KCNG2: variants seen among roughly 807,000 people sequenced by gnomAD.
KCNG2 encodes the protein potassium voltage-gated channel modifier subfamily G member 2, also known as voltage-gated potassium channel regulatory subunit KCNG2.
Under a neutral mutation model 12.3 loss-of-function variants are expected in KCNG2, and 7 were observed. That is an observed-to-expected ratio of 0.57 (90% confidence interval 0.32 to 1.07). The LOEUF (loss-of-function observed/expected upper bound fraction) is 1.07. KCNG2 is among the 50% of genes least tolerant of loss of function. The pLI is 0.04. For missense variants in KCNG2, 703 were observed against 726.0 expected, an observed-to-expected ratio of 0.97 and a Z score of 0.36; for synonymous variants, 414 against 351.4, an observed-to-expected ratio of 1.18 and a Z score of -1.99.
intron 3 of KCNG2, among the ~76,000 whole-genome samples, chr18:79,865,503 G>A (rs1446429344): frequency 1.7e-4 from 14 of 80,386 alleles, no homozygotes; most frequent in African/African-American, 4.7e-4. Flanking sequence ...AGGTCTGAGT[G>A]CTGAGAGGTC....
intron 1 of KCNG2, among the ~76,000 whole-genome samples, chr18:79,835,952 A>G (rs1453782128): frequency 6.6e-6 from 1 of 152,254 alleles, no homozygotes; most frequent in Non-Finnish European, 1.5e-5. Context: ...GGGAAACATG[A>G]AGAAGAAAAC....
chr18:79,882,619 G>T (rs1302410375), intron 3 of KCNG2, among the ~76,000 whole-genome samples: 2 of 152,250 alleles, frequency 1.3e-5, no homozygotes, highest in Non-Finnish European at 2.9e-5. Flanking sequence ...CACAGGAGCT[G>T]TCACTCACAT....
chr18:79,867,549 G>A (rs1375872771), intron 3 of KCNG2, among the ~76,000 whole-genome samples: 3 of 119,846 alleles, frequency 2.5e-5, no homozygotes, highest in Non-Finnish European at 3.5e-5. Context: ...TGAGCTCGTC[G>A]TGTGTCGTGT....
intron 3 of KCNG2, among the ~76,000 whole-genome samples, chr18:79,882,802 GGT>G: frequency 6.7e-6 from 1 of 149,080 alleles, no homozygotes; most frequent in East Asian, 2.0e-4. Context: ...GCGGAGGCCG[GGT>G]ACACCTGCGC....
At chr18:79,869,150 G>A (rs1157707519) in intron 3 of KCNG2, among the ~76,000 whole-genome samples, 2 of 152,156 alleles carry the variant, frequency 1.3e-5, no homozygotes, top group South Asian at 2.1e-4. Flanking sequence ...ACAGCCTCCC[G>A]GGTCTCCTGG....
At chr18:79,854,179 G>T (rs1978924848) in intron 1 of KCNG2, among the ~76,000 whole-genome samples, 1 of 152,230 alleles carries the variant, frequency 6.6e-6, no homozygotes, top group South Asian at 2.1e-4. Flanking sequence ...GAGGAGCAGA[G>T]CCCGGCCTTC....
chr18:79,816,771 G>A (rs966536179), intron 1 of KCNG2, among the ~76,000 whole-genome samples: 7 of 152,228 alleles, frequency 4.6e-5, no homozygotes, highest in Non-Finnish European at 1.0e-4. Flanking sequence ...ACACCACGGT[G>A]CAGTGTGGAG....
chr18:79,860,348 CTG>C (rs1403115081), intron 2 of KCNG2, among the ~76,000 whole-genome samples: 1 of 152,176 alleles, frequency 6.6e-6, no homozygotes, highest in East Asian at 1.9e-4. Flanking sequence ...TGGATTGACT[CTG>C]TTGATCAATT....
chr18:79,799,428 G>A (rs1473220663), intron 1 of KCNG2, among the ~76,000 whole-genome samples: 1 of 152,198 alleles, frequency 6.6e-6, no homozygotes, highest in African/African-American at 2.4e-5. Context: ...TAGTTAGAGG[G>A]ATGGGATTGC....
At chr18:79,890,537 T>A (rs1200617662) in intron 3 of KCNG2, among the ~76,000 whole-genome samples, 2 of 152,184 alleles carry the variant, frequency 1.3e-5, no homozygotes, top group East Asian at 3.8e-4. Context: ...CACCCAACGT[T>A]TAGCTCGCAC....
intron 3 of KCNG2, among the ~76,000 whole-genome samples, chr18:79,868,983 G>A (rs1407608646): frequency 6.6e-6 from 1 of 152,230 alleles, no homozygotes; most frequent in Non-Finnish European, 1.5e-5. Flanking sequence ...GATGTGTGCG[G>A]GAGGCTGAGT....
At chr18:79,857,978 A>G (rs1169874114) in intron 2 of KCNG2, among the ~76,000 whole-genome samples, 1 of 151,770 alleles carries the variant, frequency 6.6e-6, no homozygotes, top group East Asian at 1.9e-4. Flanking sequence ...GTCTCTGTGA[A>G]TTTACTTATC....
intron 1 of KCNG2, among the ~76,000 whole-genome samples, chr18:79,820,278 T>C (rs2087561366): frequency 6.6e-6 from 1 of 152,258 alleles, no homozygotes; most frequent in Non-Finnish European, 1.5e-5. Context: ...TCAGCACATG[T>C]ATCCTGTTTG....
chr18:79,812,725 G>A (rs1274305623), intron 1 of KCNG2, among the ~76,000 whole-genome samples: 1 of 152,080 alleles, frequency 6.6e-6, no homozygotes. Flanking sequence ...GCCAGGCGTG[G>A]TGGTGCGCAC....
chr18:79,825,419 G>C (rs948915443), intron 1 of KCNG2, among the ~76,000 whole-genome samples: 2 of 152,216 alleles, frequency 1.3e-5, no homozygotes, highest in Non-Finnish European at 2.9e-5. Context: ...CGTGTTTACC[G>C]TCAGTTTACG....
chr18:79,863,423 G>A (rs548367243), intron 2 of KCNG2, among the ~76,000 whole-genome samples: 34 of 152,368 alleles, frequency 2.2e-4, no homozygotes, highest in Non-Finnish European at 4.6e-4. Context: ...TCACCACCTG[G>A]CGGGGTCCGC....
intron 3 of KCNG2, among the ~76,000 whole-genome samples, chr18:79,893,155 G>A (rs1980810047): frequency 6.6e-6 from 1 of 151,550 alleles, no homozygotes; most frequent in African/African-American, 2.4e-5. Context: ...CACATCTAAT[G>A]TTATGATTGA....
At position 79,863,835 on chromosome 18, in the gene KCNG2, G is replaced by A; in HGVS notation, c.168G>A (p.Leu56=). 2.1e-6 allele frequency: 3 copies of A among 1,443,218 alleles called. No individual in the cohort carries two copies. Among genetic ancestry groups the A allele is most frequent in the Non-Finnish European group, 2.7e-6 (3 of 1,093,880 alleles). The allele number at this position is 1,443,218 out of a possible 1,614,324, so 89.4% of individuals were successfully genotyped here. ...LRACRGHDDL[L]RVCDDYDVSR... ...CCTGCCGCGGCCACGACGACCTGCT[G>A]CGCGTGTGTGACGACTACGACGTGA... Residue 56 remains leucine (L), a synonymous_variant, in exon 3 of 4, where the codon CTG becomes CTA. Coordinates refer to ENST00000316249, the MANE Select transcript of KCNG2 (RefSeq NM_012283.2).
intron 1 of KCNG2, among the ~76,000 whole-genome samples, chr18:79,799,562 G>A (rs1364213753): frequency 6.6e-6 from 1 of 152,228 alleles, no homozygotes; most frequent in African/African-American, 2.4e-5. Flanking sequence ...CATCTTCCCT[G>A]GGGAGAGGTG....
Sources: allele counts gnomAD v4.1 joint callset (sites outside exome capture counted in the v4.1 genomes callset), GRCh38; gene constraint gnomAD v4.1.1; transcripts MANE v1.5; gene names NCBI Gene and HGNC (gene_info 2026-07-23, HGNC 2026-07-21).